BCAS2: variants seen among roughly 807,000 people sequenced by gnomAD.
The protein encoded by BCAS2 is BCAS2 pre-mRNA processing factor.
BCAS2 carries 34 observed loss-of-function variants against 35.3 expected under a neutral mutation model. The observed-to-expected ratio is 0.96, with a 90% CI of 0.73 to 1.28. BCAS2 has a LOEUF of 1.28. Among genes scored for constraint, BCAS2 ranks in the 50% most tolerant of loss-of-function variants. The probability of loss-of-function intolerance (pLI) is 0.00; values close to 1 mark genes in which losing one functional copy is unlikely to be tolerated. For synonymous variants in BCAS2, 75 were observed against 91.6 expected, an observed-to-expected ratio of 0.82 and a Z score of 1.03; for missense variants, 221 against 268.1, an observed-to-expected ratio of 0.82 and a Z score of 1.23.
chr1:114,567,964 T>C lies in BCAS2; in HGVS notation c.*166A>G. 1.1e-6 allele frequency: 1 copy of C among 871,744 alleles called. No homozygotes were observed. 54.0% of individuals were successfully genotyped at this position (871,744 alleles called of 1,614,324 possible). A position where few individuals can be genotyped will look rare whatever the true frequency, so the allele number is the denominator to read the frequency against. The stretch of plus-strand genomic sequence containing the variant: ...CACCAAGCTAGACATTTTAATTCTG[T>C]TGAGATATACAAATAGAATTACCAC... On this transcript the variant is annotated 3_prime_UTR_variant, in exon 7 of 7. Coordinates refer to ENST00000369541, the MANE Select transcript of BCAS2 (RefSeq NM_005872.3).
At chr1:114,570,670 T>G in intron 5 of BCAS2, 30 bp downstream of exon 5, 3 of 1,494,086 alleles carry the variant, frequency 2.0e-6, no homozygotes, top group Non-Finnish European at 2.8e-6. Flanking sequence ...TCACTTAAAC[T>G]TCATTCTGTA....
intron 2 of BCAS2, among the ~76,000 whole-genome samples, chr1:114,577,915 G>T (rs7544091): frequency 0.027 from 4,181 of 152,326 alleles, 211 homozygotes; most frequent in African/African-American, 0.095. Flanking sequence ...TTATTAGGCC[G>T]GGCGAGGTGG....
Position 114,581,353 on chromosome 1 carries a change from TCGG to T in BCAS2, c.129_131del (p.Tyr43_Arg44delinsTer). Reference sequence around the variant, plus strand: ...GGTAGCTCAGGTAGTTCTTAGTAGGTCGGTATCTGCGAGTTTCCTCCTCCACCA... The same window carrying T: ...GGTAGCTCAGGTAGTTCTTAGTAGGTTATCTGCGAGTTTCCTCCTCCACCA... On this transcript the variant is annotated stop_gained and inframe_deletion, in exon 2 of 7. Coordinates refer to ENST00000369541, the MANE Select transcript of BCAS2 (RefSeq NM_005872.3). LOFTEE classifies it high-confidence loss of function. 6.2e-7 allele frequency: 1 copy of T among 1,614,132 alleles called. No individual in the cohort carries two copies. The highest frequency in any genetic ancestry group is 8.5e-7 in the Non-Finnish European group (1 of 1,180,030).
rs146664340 is a variant in BCAS2, at chr1:114,577,754, G to A, written c.187-996C>T. ...TTCCATTCTGCACATTTCCTACCCT[G>A]AGGATAAAGAACTGCTTAAAATATT... On this transcript the variant is annotated intron_variant, in intron 2 of 6. Coordinates refer to ENST00000369541, the MANE Select transcript of BCAS2 (RefSeq NM_005872.3). 4.2e-3 allele frequency among the ~76,000 whole-genome samples: 640 copies of A among 152,286 alleles called. 4 individuals are homozygous for A. The highest frequency in any genetic ancestry group is 5.5e-3 in the Non-Finnish European group (375 of 68,028).
chr1:114,576,890 G>T (rs942479890), intron 2 of BCAS2, 132 bp from the exon 3 acceptor site: 2 of 621,002 alleles, frequency 3.2e-6, no homozygotes, highest in African/African-American at 3.7e-5. Flanking sequence ...TCTTCTCTGA[G>T]TTAAATGCTC....
chr1:114,580,994 G>A (rs1654875360), intron 2 of BCAS2, among the ~76,000 whole-genome samples: 1 of 152,190 alleles, frequency 6.6e-6, no homozygotes, highest in African/African-American at 2.4e-5. Context: ...ATCACTTGCT[G>A]TAGAGTGAAT....
At chr1:114,572,669 C>G (rs1654671126) in intron 4 of BCAS2, among the ~76,000 whole-genome samples, 1 of 152,094 alleles carries the variant, frequency 6.6e-6, no homozygotes, top group Non-Finnish European at 1.5e-5. Flanking sequence ...GAGCTGAGCC[C>G]TAAACAAGCT....
At position 114,568,038 on chromosome 1, in the gene BCAS2, T is replaced by G; in HGVS notation, c.*92A>C. On this transcript the variant is annotated 3_prime_UTR_variant, in exon 7 of 7. Coordinates refer to ENST00000369541, the MANE Select transcript of BCAS2 (RefSeq NM_005872.3). Reference sequence around the variant, plus strand: ...TCTAAACACTTAAACATCAATGGTTTTGGGAAGATGCTGTTGTCCTTCAAA... The same window carrying G: ...TCTAAACACTTAAACATCAATGGTTGTGGGAAGATGCTGTTGTCCTTCAAA... 6.6e-7 allele frequency: 1 copy of G among 1,515,168 alleles called. No homozygotes were observed. Among genetic ancestry groups the G allele is most frequent in the South Asian group, 1.2e-5 (1 of 84,564 alleles). The allele number at this position is 1,515,168 out of a possible 1,614,324, so 93.9% of individuals were successfully genotyped here. A position where few individuals can be genotyped will look rare whatever the true frequency, so the allele number is the denominator to read the frequency against.
rs573927238 is a variant in BCAS2, at chr1:114,568,676, C to T, written c.552-420G>A. ...GCTACCATGCCTGGCCTAACCTTCA[C>T]TTTCAACTTTCCATTAAAAAAAAAT... On this transcript the variant is annotated intron_variant, in intron 6 of 6. Coordinates refer to ENST00000369541, the MANE Select transcript of BCAS2 (RefSeq NM_005872.3). 2.7e-5 allele frequency among the ~76,000 whole-genome samples: 4 copies of T among 150,268 alleles called. No homozygotes were observed. The South Asian group carries it at 8.4e-4, about 32-fold the overall frequency.
chr1:114,570,130 G>A (rs1040341948), intron 5 of BCAS2, 58 bp from the exon 6 acceptor site: 2 of 1,203,422 alleles, frequency 1.7e-6, no homozygotes, highest in Non-Finnish European at 2.4e-6. Flanking sequence ...TAAATCAACA[G>A]AAAACTCTAT....
At chr1:114,570,668 A>C (rs1438246021) in intron 5 of BCAS2, 32 bp downstream of exon 5, 1 of 1,477,972 alleles carries the variant, frequency 6.8e-7, no homozygotes, top group Admixed American at 1.9e-5. Flanking sequence ...GTTCACTTAA[A>C]CTTCATTCTG....
intron 5 of BCAS2, among the ~76,000 whole-genome samples, 155 bp downstream of exon 5, chr1:114,570,545 G>C (rs942665528): frequency 6.6e-6 from 1 of 152,186 alleles, no homozygotes; most frequent in Non-Finnish European, 1.5e-5. Flanking sequence ...CCTCTACTTA[G>C]GTAGGGCAAA....
intron 2 of BCAS2, 80 bp from the exon 3 acceptor site, chr1:114,576,838 GCT>G: frequency 9.9e-7 from 1 of 1,013,446 alleles, no homozygotes; most frequent in Non-Finnish European, 1.5e-6. Flanking sequence ...ACAGATTTAA[GCT>G]ACACTACCCA....
At position 114,569,264 on chromosome 1, in the gene BCAS2, C is replaced by T. The variant is rs947878690; in HGVS notation, c.551+728G>A. 4.0e-5 allele frequency among the ~76,000 whole-genome samples: 6 copies of T among 151,558 alleles called. No homozygotes were observed. In the East Asian group the frequency reaches 7.8e-4, roughly 20 times the overall value. ...AGGAAAAAGCGTGAAAGGGTACCAA[C>T]GAGACTGGTAAGACGTACATGGAGA... On this transcript the variant is annotated intron_variant, in intron 6 of 6. Transcript: ENST00000369541.
intron 5 of BCAS2, 52 bp downstream of exon 5, chr1:114,570,648 T>C: frequency 3.3e-6 from 4 of 1,230,638 alleles, no homozygotes; most frequent in African/African-American, 1.5e-5. Flanking sequence ...CTATTTTCTA[T>C]TTATTAAAGG....
chr1:114,568,083 GC>G lies in BCAS2; in HGVS notation c.*46del, dbSNP rs1228309778. On this transcript the variant is annotated 3_prime_UTR_variant, in exon 7 of 7. Transcript: ENST00000369541. ...TTCAAAGTTCATTAAAAGTTCAGAT[GC>G]CTTTTGTGAAAGCCCAACTTTTCTT... 3 of 1,608,246 alleles carry G rather than the reference GC, an allele frequency of 1.9e-6. No homozygotes were observed. In the African/African-American group the frequency reaches 4.0e-5, roughly 22 times the overall value.
intron 4 of BCAS2, among the ~76,000 whole-genome samples, chr1:114,572,567 G>A (rs930601501): frequency 3.9e-4 from 60 of 152,210 alleles, no homozygotes; most frequent in African/African-American, 1.4e-3. Flanking sequence ...AACAAGTGAT[G>A]TGCACAATAA....
chr1:114,581,539 T>C lies in BCAS2; in HGVS notation c.53A>G (p.Tyr18Cys). Residue 18 changes from tyrosine (Y) to cysteine (C), a missense_variant, in exon 1 of 7, where the codon TAT becomes TGT. Tyr to Cys is a radical substitution (Grantham distance 194). Transcript: ENST00000369541. ...AGGGGCTTCATAACCTTGATCAAAA[T>C]ACGGCAGCGCATCCACCACAACCTC... is the stretch of plus-strand genomic sequence containing the variant. ...AGEVVVDALP[Y>C]FDQGYEAPGV... The C allele has an allele frequency of 6.2e-7, 1 of 1,613,918 alleles. No homozygotes were observed. The highest frequency in any genetic ancestry group is 8.5e-7 in the Non-Finnish European group (1 of 1,180,036).
chr1:114,575,785 C>A, intron 3 of BCAS2, 34 bp from the exon 4 acceptor site: 1 of 1,605,500 alleles, frequency 6.2e-7, no homozygotes, highest in East Asian at 2.2e-5. Flanking sequence ...ATAAAACCAT[C>A]TATACTGCCA....
Sources: gnomAD v4.1 joint callset for allele counts (sites outside exome capture counted in the v4.1 genomes callset) on GRCh38, gnomAD v4.1.1 for gene constraint, MANE v1.5 for transcripts, NCBI Gene and HGNC (gene_info 2026-07-23, HGNC 2026-07-21) for gene names.